KCNJ6: variants seen among roughly 807,000 people sequenced by gnomAD.
The protein encoded by KCNJ6 is G protein-activated inward rectifier potassium channel 2.
In KCNJ6, 9 loss-of-function variants were observed where a neutral mutation model predicts 34.2. The ratio of observed to expected loss-of-function variants is 0.26; its 90% CI spans 0.16 to 0.46. The LOEUF (loss-of-function observed/expected upper bound fraction) is 0.46, where lower values mean the gene tolerates loss of function less well. Ranked by LOEUF, KCNJ6 falls within the 20% of genes least tolerant of loss-of-function variation. The pLI, the probability that KCNJ6 is intolerant of heterozygous loss-of-function variation, is 1.00. For missense variants in KCNJ6, 236 were observed against 531.3 expected, an observed-to-expected ratio of 0.44 and a Z score of 5.46; for synonymous variants, 196 against 207.1, an observed-to-expected ratio of 0.95 and a Z score of 0.46.
At chr21:37,770,624 G>A (rs566362754) in intron 2 of KCNJ6, among the ~76,000 whole-genome samples, 8 of 152,196 alleles carry the variant, frequency 5.3e-5, no homozygotes, top group Non-Finnish European at 1.0e-4. Flanking sequence ...TAATGGCCCC[G>A]GCCTTTCAAG....
intron 3 of KCNJ6, among the ~76,000 whole-genome samples, chr21:37,679,950 T>A (rs1783048): frequency 1 from 152,374 of 152,374 alleles, 76,187 homozygotes; most frequent in Non-Finnish European, 1. Flanking sequence ...TGCTCAGGGA[T>A]TCCCTATGTC....
In KCNJ6 at chr21:37,674,704, C is replaced by T. The variant is rs529502247; in HGVS notation, c.946+39507G>A. ...GCTTCCCTGACTCCCCTATACCTCA[C>T]GTACTTCACCCCCTCCAGAGCCGTG... On this transcript the variant is annotated intron_variant, in intron 3 of 3. Coordinates refer to ENST00000609713, the MANE Select transcript of KCNJ6 (RefSeq NM_002240.5). 8.5e-4 allele frequency among the ~76,000 whole-genome samples: 129 copies of T among 151,700 alleles called. 1 individual carries two copies. Among genetic ancestry groups the T allele is most frequent in the African/African-American group, 2.9e-3 (118 of 41,326 alleles).
intron 1 of KCNJ6, among the ~76,000 whole-genome samples, chr21:37,870,060 A>G (rs1364358324): frequency 1.3e-5 from 2 of 152,226 alleles, no homozygotes; most frequent in Non-Finnish European, 2.9e-5. Context: ...AGAAAGGAGA[A>G]CACACTTCTC....
intron 2 of KCNJ6, among the ~76,000 whole-genome samples, chr21:37,793,425 G>A (rs2123523851): frequency 6.6e-6 from 1 of 152,130 alleles, no homozygotes; most frequent in South Asian, 2.1e-4. Flanking sequence ...GGAATTAAAA[G>A]TCATCCCTTT....
At chr21:37,837,805 A>G (rs1442718998) in intron 2 of KCNJ6, among the ~76,000 whole-genome samples, 1 of 151,682 alleles carries the variant, frequency 6.6e-6, no homozygotes, top group African/African-American at 2.4e-5. Context: ...TGCTCAGCCT[A>G]CTGATAGAAT....
intron 2 of KCNJ6, among the ~76,000 whole-genome samples, chr21:37,716,362 CTTTTAAAAAAGTTTAAATTTT>C (rs1277989821): frequency 8.1e-5 from 12 of 148,818 alleles, no homozygotes; most frequent in Non-Finnish European, 1.6e-4. Flanking sequence ...TATTTTTTTT[CTTTTAAAAAAGTTTAAATTTT>C]TTTTTTTTTT....
At position 37,609,173 on chromosome 21, in the gene KCNJ6, G is replaced by A. The variant is rs1186520221; in HGVS notation, c.*15986C>T. 6.6e-6 allele frequency: 1 copy of A among 152,154 alleles called. No homozygotes were observed. The highest frequency in any genetic ancestry group is 6.5e-5 in the Admixed American group (1 of 15,284). 9.4% of individuals were successfully genotyped at this position (152,154 alleles called of 1,614,324 possible). A position where few individuals can be genotyped will look rare whatever the true frequency, so the allele number is the denominator to read the frequency against. ...TTTTGGGAAGATGTGCGTTCTCTAG[G>A]TGTGGATATTGGAGTTGGCACACTG... On this transcript the variant is annotated 3_prime_UTR_variant, in exon 4 of 4. Coordinates refer to ENST00000609713, the MANE Select transcript of KCNJ6 (RefSeq NM_002240.5).
chr21:37,849,977 C>A (rs2123589461), intron 1 of KCNJ6, among the ~76,000 whole-genome samples: 1 of 152,332 alleles, frequency 6.6e-6, no homozygotes, highest in Admixed American at 6.5e-5. Flanking sequence ...TGGAATGTCC[C>A]TGAACAGCTG....
chr21:37,620,909 A>T lies in KCNJ6; in HGVS notation c.*4250T>A, dbSNP rs1184366627. 2 of 152,254 alleles carry T rather than the reference A, an allele frequency of 1.3e-5. No individual in the cohort carries two copies. Among genetic ancestry groups the T allele is most frequent in the African/African-American group, 2.4e-5 (1 of 41,462 alleles). The allele number at this position is 152,254 out of a possible 1,614,324, so 9.4% of individuals were successfully genotyped here. On this transcript the variant is annotated 3_prime_UTR_variant, in exon 4 of 4. Transcript: ENST00000609713. The stretch of plus-strand genomic sequence containing the variant: ...ACACTCTGCATCTAAAGCACTCAAG[A>T]CATTAAAGGCAGAAATATTAGGAAG...
chr21:37,617,064 TTTCTTTTCTTTTC>T lies in KCNJ6; in HGVS notation c.*8082_*8094del, dbSNP rs1366416353. On this transcript the variant is annotated 3_prime_UTR_variant, in exon 4 of 4. Transcript: ENST00000609713. Reference sequence around the variant, plus strand: ...TCTTTCTTTCTTTCTTTTCTTTTCTTTTCTTTTCTTTTCTTTCTTTTTCTTTCTTTCTTTTCTT... The same window carrying T: ...TCTTTCTTTCTTTCTTTTCTTTTCTTTTTCTTTTTCTTTCTTTCTTTTCTT... The T allele has an allele frequency of 1.3e-5, 1 of 78,024 alleles. No individual in the cohort carries two copies. The highest frequency in any genetic ancestry group is 3.4e-5 in the African/African-American group (1 of 29,514). The allele number at this position is 78,024 out of a possible 1,614,324, so 4.8% of individuals were successfully genotyped here.
chr21:37,752,853 G>C (rs537735811), intron 2 of KCNJ6, among the ~76,000 whole-genome samples: 1 of 152,318 alleles, frequency 6.6e-6, no homozygotes, highest in Non-Finnish European at 1.5e-5. Flanking sequence ...TGTGTGCTGT[G>C]GGAAACCAAG....
At chr21:37,794,630 G>A (rs1568851037) in intron 2 of KCNJ6, among the ~76,000 whole-genome samples, 1 of 152,076 alleles carries the variant, frequency 6.6e-6, no homozygotes, top group African/African-American at 2.4e-5. Context: ...CACAGGAACA[G>A]AGAACCAAAC....
intron 2 of KCNJ6, among the ~76,000 whole-genome samples, chr21:37,743,194 T>C (rs183161449): frequency 1.8e-4 from 27 of 152,328 alleles, no homozygotes; most frequent in Non-Finnish European, 3.7e-4. Flanking sequence ...AACTATGCTT[T>C]ACTCATTTTG....
intron 3 of KCNJ6, among the ~76,000 whole-genome samples, chr21:37,683,073 C>A (rs939664266): frequency 6.6e-6 from 1 of 152,200 alleles, no homozygotes; most frequent in South Asian, 2.1e-4. Flanking sequence ...CAGTCTCTGG[C>A]GTCAAGCGAG....
At chr21:37,909,809 A>G (rs1282179431) in intron 1 of KCNJ6, among the ~76,000 whole-genome samples, 2 of 152,234 alleles carry the variant, frequency 1.3e-5, no homozygotes, top group Non-Finnish European at 2.9e-5. Flanking sequence ...CATAGTTAGC[A>G]TAGTGGATTA....
At chr21:37,899,157 G>A (rs895064436) in intron 1 of KCNJ6, among the ~76,000 whole-genome samples, 3 of 152,172 alleles carry the variant, frequency 2.0e-5, no homozygotes, top group Admixed American at 6.5e-5. Flanking sequence ...AGACGGCTCC[G>A]TCTGTTGAGA....
At chr21:37,914,318 C>G (rs1892683) in intron 1 of KCNJ6, among the ~76,000 whole-genome samples, 62,156 of 152,026 alleles carry the variant, frequency 0.41, 13,983 homozygotes, top group South Asian at 0.52. Context: ...GTACTGCTTG[C>G]TGGGGGCTGC....
At chr21:37,909,193 ATCT>A (rs1436134553) in intron 1 of KCNJ6, among the ~76,000 whole-genome samples, 2 of 152,184 alleles carry the variant, frequency 1.3e-5, no homozygotes, top group Non-Finnish European at 1.5e-5. Context: ...TGTGAAAGAA[ATCT>A]TCTATTTTGT....
At chr21:37,631,342 T>C (rs1268489875) in intron 3 of KCNJ6, among the ~76,000 whole-genome samples, 2 of 152,216 alleles carry the variant, frequency 1.3e-5, no homozygotes, top group African/African-American at 2.4e-5. Context: ...TCCAGCGTCA[T>C]GTCTGTCTGC....
Sources: gnomAD v4.1 joint callset for allele counts (sites outside exome capture counted in the v4.1 genomes callset) on GRCh38, gnomAD v4.1.1 for gene constraint, MANE v1.5 for transcripts, NCBI Gene and HGNC (gene_info 2026-07-23, HGNC 2026-07-21) for gene names.